Variants in TBC1D5 observed in about 807,000 individuals in gnomAD.
The protein encoded by TBC1D5 is TBC1 domain family, member 5.
Under a neutral mutation model 100.3 loss-of-function variants are expected in TBC1D5, and 75 were observed. The ratio of observed to expected loss-of-function variants is 0.75; its 90% CI spans 0.62 to 0.91. The LOEUF is 0.91. Among genes scored for constraint, TBC1D5 ranks in the 40% least tolerant of loss-of-function variants. TBC1D5 has a pLI of 0.00. For synonymous variants in TBC1D5, 323 were observed against 325.6 expected, an observed-to-expected ratio of 0.99 and a Z score of 0.09; for missense variants, 910 against 942.4, an observed-to-expected ratio of 0.97 and a Z score of 0.45.
At chr3:17,451,678 C>T (rs1233413990) in intron 3 of TBC1D5, among the ~76,000 whole-genome samples, 4 of 152,192 alleles carry the variant, frequency 2.6e-5, no homozygotes, top group East Asian at 3.9e-4. Flanking sequence ...ATGTGGATGA[C>T]GGGTTAATGG....
chr3:17,168,100 G>T (rs980755586), intron 19 of TBC1D5, among the ~76,000 whole-genome samples: 15 of 152,132 alleles, frequency 9.9e-5, no homozygotes, highest in African/African-American at 3.6e-4. Flanking sequence ...AGAGATCTGG[G>T]TACCTCTTGC....
At position 17,521,886 on chromosome 3, in the gene TBC1D5, C is replaced by A. The variant is rs9683129; in HGVS notation, c.-35-13281G>T. On this transcript the variant is annotated intron_variant, in intron 2 of 21. Coordinates refer to ENST00000253692, the Ensembl canonical transcript of TBC1D5. ...GCAAAATGTGAAAATATGTTGTAGTCCATATTAAAATGGCCAATTTAATTG... is the reference window on the plus strand; with the variant it reads ...GCAAAATGTGAAAATATGTTGTAGTACATATTAAAATGGCCAATTTAATTG... 9.9e-3 allele frequency among the ~76,000 whole-genome samples: 1,508 copies of A among 151,988 alleles called. 28 individuals carry two copies. The highest frequency in any genetic ancestry group is 0.034 in the African/African-American group (1,412 of 41,456).
chr3:17,605,842 T>C (rs764349172), intron 2 of TBC1D5, among the ~76,000 whole-genome samples: 1 of 152,248 alleles, frequency 6.6e-6, no homozygotes, highest in African/African-American at 2.4e-5. Flanking sequence ...ATTTATGTTA[T>C]GTGTAATAAA....
chr3:17,554,175 A>G (rs749322409), intron 2 of TBC1D5, among the ~76,000 whole-genome samples: 17 of 152,254 alleles, frequency 1.1e-4, no homozygotes, highest in Middle Eastern at 3.2e-3. Flanking sequence ...TAAAATGTAC[A>G]TAACAGCTTG....
chr3:17,428,584 T>C (rs1463239337), intron 3 of TBC1D5, 65 bp from the exon 4 acceptor site: 3 of 855,202 alleles, frequency 3.5e-6, no homozygotes, highest in Non-Finnish European at 5.1e-6. Flanking sequence ...TGAAAAACTG[T>C]GTGAAAGCTC....
At chr3:17,414,328 A>C (rs973113895) in intron 4 of TBC1D5, among the ~76,000 whole-genome samples, 8 of 152,206 alleles carry the variant, frequency 5.3e-5, no homozygotes, top group African/African-American at 1.9e-4. Flanking sequence ...CAATATTTTT[A>C]AAAATTGCCA....
chr3:17,586,886 T>C (rs567582435), intron 2 of TBC1D5, among the ~76,000 whole-genome samples: 3 of 152,116 alleles, frequency 2.0e-5, no homozygotes, highest in African/African-American at 7.2e-5. Flanking sequence ...TGAAATGACA[T>C]AAAAGTGTTG....
At chr3:17,662,690 T>C (rs768756153) in intron 1 of TBC1D5, among the ~76,000 whole-genome samples, 1 of 152,222 alleles carries the variant, frequency 6.6e-6, no homozygotes, top group Non-Finnish European at 1.5e-5. Context: ...GCAACTGTTA[T>C]CTGGTCAGTC....
intron 3 of TBC1D5, among the ~76,000 whole-genome samples, chr3:17,432,325 T>C (rs1269013579): frequency 6.6e-6 from 1 of 152,200 alleles, no homozygotes; most frequent in Non-Finnish European, 1.5e-5. Context: ...TGAAATGTTT[T>C]AGTTAACTTT....
intron 17 of TBC1D5, among the ~76,000 whole-genome samples, 165 bp downstream of exon 18, chr3:17,233,520 G>T (rs924419975): frequency 1.3e-5 from 2 of 152,146 alleles, no homozygotes; most frequent in Admixed American, 1.3e-4. Flanking sequence ...CATGAGAGGG[G>T]ACTTTTGTTC....
chr3:17,267,674 C>A (rs763533014), intron 15 of TBC1D5, among the ~76,000 whole-genome samples: 3 of 152,008 alleles, frequency 2.0e-5, no homozygotes, highest in Non-Finnish European at 4.4e-5. Flanking sequence ...AAGAATAAGT[C>A]CTTGGACTGA....
At chr3:17,602,220 T>C (rs1477270523) in intron 2 of TBC1D5, among the ~76,000 whole-genome samples, 1 of 152,210 alleles carries the variant, frequency 6.6e-6, no homozygotes, top group African/African-American at 2.4e-5. Context: ...CTATCAGTAA[T>C]GTGTATCAAA....
chr3:17,249,115 C>A (rs749293218), intron 16 of TBC1D5, among the ~76,000 whole-genome samples: 34 of 152,182 alleles, frequency 2.2e-4, no homozygotes, highest in Non-Finnish European at 4.3e-4. Flanking sequence ...TGTGACTGGT[C>A]TGATTGTCTA....
intron 3 of TBC1D5, among the ~76,000 whole-genome samples, chr3:17,484,881 G>A (rs986969464): frequency 6.6e-6 from 1 of 152,094 alleles, no homozygotes; most frequent in East Asian, 1.9e-4. Context: ...TGAGAGGCGA[G>A]AGTGGAAAAT....
At chr3:17,529,462 T>A (rs187134999) in intron 2 of TBC1D5, among the ~76,000 whole-genome samples, 273 of 152,224 alleles carry the variant, frequency 1.8e-3, no homozygotes, top group Middle Eastern at 0.01. Context: ...TATCTTTCCA[T>A]CATTGTACTT....
At chr3:17,417,511 A>G (rs1484765880) in intron 4 of TBC1D5, among the ~76,000 whole-genome samples, 1 of 152,144 alleles carries the variant, frequency 6.6e-6, no homozygotes, top group Non-Finnish European at 1.5e-5. Context: ...GTCCCTACAA[A>G]GGACATGAAC....
At chr3:17,347,772 G>A (rs796955647) in intron 13 of TBC1D5, among the ~76,000 whole-genome samples, 37 of 152,290 alleles carry the variant, frequency 2.4e-4, no homozygotes, top group African/African-American at 8.9e-4. Flanking sequence ...ACTTAGGTGG[G>A]AGAATCACTT....
intron 3 of TBC1D5, among the ~76,000 whole-genome samples, chr3:17,450,814 G>T (rs1226502427): frequency 1.3e-5 from 2 of 152,192 alleles, no homozygotes; most frequent in East Asian, 3.8e-4. Context: ...ATACACTTCA[G>T]GATATTATCC....
At chr3:17,422,645 T>C (rs1392771266) in intron 4 of TBC1D5, among the ~76,000 whole-genome samples, 2 of 151,740 alleles carry the variant, frequency 1.3e-5, no homozygotes, top group Admixed American at 6.6e-5. Flanking sequence ...CACTGTTTCA[T>C]TGTTATTTCT....
Sources: allele counts gnomAD v4.1 joint callset (sites outside exome capture counted in the v4.1 genomes callset), GRCh38; gene constraint gnomAD v4.1.1; transcripts MANE v1.5; gene names NCBI Gene and HGNC (gene_info 2026-07-23, HGNC 2026-07-21).